DLG2: variants seen among roughly 807,000 people sequenced by gnomAD.
DLG2 encodes the protein disks large homolog 2.
A neutral mutation model predicts 132.5 loss-of-function variants in DLG2; 45 were observed. The observed-to-expected ratio is 0.34, with a 90% CI of 0.27 to 0.44. The LOEUF is 0.44. DLG2 is among the 20% of genes least tolerant of loss of function. DLG2 has a pLI of 1.00. For missense variants in DLG2, 1,045 were observed against 1,196.9 expected (o/e 0.87, Z 1.87); for synonymous variants, 424 against 419.6 (o/e 1.01, Z -0.13).
intron 3 of DLG2, among the ~76,000 whole-genome samples, chr11:85,443,923 C>T (rs2091896850): frequency 6.6e-6 from 1 of 152,150 alleles, no homozygotes; most frequent in South Asian, 2.1e-4. Flanking sequence ...TTGTGAAATA[C>T]AACACAAATG....
chr11:83,968,724 G>T (rs2090737310), intron 12 of DLG2, among the ~76,000 whole-genome samples: 1 of 152,144 alleles, frequency 6.6e-6, no homozygotes, highest in Non-Finnish European at 1.5e-5. Context: ...CATTGATCTG[G>T]TAAGTGTCAG....
chr11:84,540,812 C>T (rs938720221), intron 6 of DLG2, among the ~76,000 whole-genome samples: 1 of 152,066 alleles, frequency 6.6e-6, no homozygotes, highest in Non-Finnish European at 1.5e-5. Context: ...CAATGATAGA[C>T]TGGATTAAGA....
chr11:84,833,953 A>G (rs750879048), intron 6 of DLG2, among the ~76,000 whole-genome samples: 22 of 151,698 alleles, frequency 1.5e-4, no homozygotes, highest in Non-Finnish European at 2.7e-4. Context: ...TATTTGTTAC[A>G]ACGCCTACCA....
At chr11:83,520,596 T>C (rs577759935) in intron 21 of DLG2, among the ~76,000 whole-genome samples, 1 of 151,654 alleles carries the variant, frequency 6.6e-6, no homozygotes, top group Non-Finnish European at 1.5e-5. Flanking sequence ...GGCAGGTAGA[T>C]AGATAGAAAG....
At chr11:84,866,531 TAG>T (rs995139166) in intron 6 of DLG2, among the ~76,000 whole-genome samples, 2 of 152,280 alleles carry the variant, frequency 1.3e-5, no homozygotes, top group Admixed American at 6.5e-5. Context: ...AGATGCTAGG[TAG>T]AGTCTTGTCT....
At chr11:83,486,351 CA>C (rs61265208) in intron 21 of DLG2, 16,415 of 436,668 alleles carry the variant, frequency 0.038, no homozygotes, top group South Asian at 0.066. Flanking sequence ...ACTTGTCATG[CA>C]AAAAAAAAAA....
At chr11:83,963,143 T>G (rs1369245171) in intron 13 of DLG2, 120 bp from the exon 14 acceptor site, 2 of 1,108,358 alleles carry the variant, frequency 1.8e-6, no homozygotes, top group East Asian at 4.8e-5. Context: ...AAGGTTTTTC[T>G]TGTCCTCCCA....
At chr11:85,111,868 C>G in intron 5 of DLG2, 133 bp from the exon 6 acceptor site, 2 of 618,966 alleles carry the variant, frequency 3.2e-6, no homozygotes, top group Non-Finnish European at 5.2e-6. Context: ...TTTGTTGGTG[C>G]AATGCTGCAG....
intron 3 of DLG2, among the ~76,000 whole-genome samples, chr11:85,427,396 A>G: frequency 6.6e-6 from 1 of 152,224 alleles, no homozygotes; most frequent in Non-Finnish European, 1.5e-5. Flanking sequence ...GTTACCCACA[A>G]AGGGAAGGCC....
chr11:85,126,971 G>A (rs1055771977), intron 5 of DLG2, among the ~76,000 whole-genome samples: 3 of 152,254 alleles, frequency 2.0e-5, no homozygotes, highest in Non-Finnish European at 4.4e-5. Flanking sequence ...GGCAACACAG[G>A]TTGTGGCAGA....
intron 3 of DLG2, among the ~76,000 whole-genome samples, chr11:85,370,003 A>C (rs1202300433): frequency 1.3e-5 from 2 of 152,254 alleles, no homozygotes; most frequent in Admixed American, 1.3e-4. Flanking sequence ...GGTGAACTGA[A>C]GAATGCAGGT....
At chr11:84,520,747 G>T (rs529429572) in intron 7 of DLG2, among the ~76,000 whole-genome samples, 3 of 152,174 alleles carry the variant, frequency 2.0e-5, no homozygotes, top group Non-Finnish European at 4.4e-5. Context: ...AGCCACACAG[G>T]AATTTGAGTG....
At chr11:85,548,306 T>A (rs896869163) in intron 3 of DLG2, among the ~76,000 whole-genome samples, 1 of 152,202 alleles carries the variant, frequency 6.6e-6, no homozygotes. Context: ...TGCCTGGGTA[T>A]CACTGGTGGA....
intron 18 of DLG2, among the ~76,000 whole-genome samples, chr11:83,729,358 A>C (rs1355163222): frequency 1.3e-5 from 2 of 152,228 alleles, no homozygotes; most frequent in Non-Finnish European, 2.9e-5. Flanking sequence ...TACTGAATGA[A>C]AAACAAAGGT....
chr11:85,178,954 T>C (rs1258885313), intron 4 of DLG2, among the ~76,000 whole-genome samples: 2 of 151,788 alleles, frequency 1.3e-5, no homozygotes, highest in African/African-American at 2.4e-5. Flanking sequence ...TTTGAATAAA[T>C]ACAGCTGAGA....
At chr11:84,932,779 G>T (rs2048253935) in intron 6 of DLG2, among the ~76,000 whole-genome samples, 1 of 152,034 alleles carries the variant, frequency 6.6e-6, no homozygotes, top group South Asian at 2.1e-4. Flanking sequence ...CATTTGGGTT[G>T]GTTCTATGAC....
At chr11:83,958,217 T>C (rs1232920747) in intron 14 of DLG2, among the ~76,000 whole-genome samples, 3 of 152,186 alleles carry the variant, frequency 2.0e-5, no homozygotes, top group African/African-American at 7.2e-5. Flanking sequence ...GCTAGTAAGC[T>C]AGTGTTCTAT....
At chr11:85,460,046 G>A (rs1244876405) in intron 3 of DLG2, among the ~76,000 whole-genome samples, 3 of 152,188 alleles carry the variant, frequency 2.0e-5, no homozygotes, top group African/African-American at 7.2e-5. Context: ...CTTTCTGGGA[G>A]CTCCATCCCA....
At chr11:85,366,008 A>G (rs1292243147) in intron 3 of DLG2, among the ~76,000 whole-genome samples, 1 of 152,200 alleles carries the variant, frequency 6.6e-6, no homozygotes, top group African/African-American at 2.4e-5. Context: ...GCAAACCACC[A>G]TGGCACATGT....
Sources: allele counts gnomAD v4.1 joint callset (sites outside exome capture counted in the v4.1 genomes callset), GRCh38; gene constraint gnomAD v4.1.1; transcripts MANE v1.5; gene names NCBI Gene and HGNC (gene_info 2026-07-23, HGNC 2026-07-21).